Variants in ZFHX3 observed in about 807,000 individuals in gnomAD.
ZFHX3 encodes the protein zinc finger homeobox 3.
Under a neutral mutation model 279.1 loss-of-function variants are expected in ZFHX3, and 42 were observed. That is an observed-to-expected ratio of 0.15 (90% confidence interval 0.12 to 0.19). The LOEUF (loss-of-function observed/expected upper bound fraction) is 0.19. ZFHX3 is among the 10% of genes least tolerant of loss of function. The pLI, the probability that ZFHX3 is intolerant of heterozygous loss-of-function variation, is 1.00. For synonymous variants in ZFHX3, 2,293 were observed against 1,957.8 expected, an observed-to-expected ratio of 1.17 and a Z score of -4.52; for missense variants, 4,981 against 4,754.0, an observed-to-expected ratio of 1.05 and a Z score of -1.40.
At chr16:73,807,310 T>G (rs1960303903) in intron 1 of ZFHX3, among the ~76,000 whole-genome samples, 1 of 152,314 alleles carries the variant, frequency 6.6e-6, no homozygotes, top group Admixed American at 6.5e-5. Context: ...TCTCCCTCCC[T>G]TCTTCCCTCC....
intron 1 of ZFHX3, among the ~76,000 whole-genome samples, chr16:73,705,479 G>A (rs2053294093): frequency 1.3e-5 from 2 of 152,296 alleles, no homozygotes; most frequent in Middle Eastern, 3.4e-3. Context: ...AGAAGAAATG[G>A]ATAAGCCCCA....
intron 1 of ZFHX3, among the ~76,000 whole-genome samples, chr16:73,040,550 G>A (rs1430084352): frequency 6.7e-6 from 1 of 150,050 alleles, no homozygotes; most frequent in Non-Finnish European, 1.5e-5. Flanking sequence ...GAGGGGGACA[G>A]AAGGGGAGGG....
chr16:73,480,660 A>G (rs2018850086), intron 2 of ZFHX3, among the ~76,000 whole-genome samples: 1 of 152,148 alleles, frequency 6.6e-6, no homozygotes, highest in Non-Finnish European at 1.5e-5. Flanking sequence ...GTGGCCTTCT[A>G]AACGGCCACT....
chr16:73,202,206 G>A (rs752413394), intron 5 of ZFHX3, among the ~76,000 whole-genome samples: 3 of 152,122 alleles, frequency 2.0e-5, no homozygotes, highest in Non-Finnish European at 4.4e-5. Context: ...CATAAATGTG[G>A]CCAAAACCTG....
intron 2 of ZFHX3, among the ~76,000 whole-genome samples, chr16:73,672,696 C>T (rs2052915977): frequency 6.6e-6 from 1 of 151,954 alleles, no homozygotes; most frequent in Non-Finnish European, 1.5e-5. Flanking sequence ...ATAGGATCAA[C>T]ACTAAGGTTT....
At chr16:73,598,335 T>C (rs1438114543) in intron 2 of ZFHX3, among the ~76,000 whole-genome samples, 1 of 152,166 alleles carries the variant, frequency 6.6e-6, no homozygotes. Context: ...CTCTACTCCA[T>C]AAATCTCAGT....
intron 3 of ZFHX3, among the ~76,000 whole-genome samples, chr16:73,452,614 C>T (rs916084993): frequency 7.9e-5 from 12 of 152,124 alleles, no homozygotes; most frequent in African/African-American, 1.9e-4. Context: ...GAATTTCTTG[C>T]AAATGGTGAC....
rs1347303831 is a variant in ZFHX3, at chr16:73,780,492, G to C, written c.-1607-100252C>G. On this transcript the variant is annotated intron_variant, in intron 1 of 17. Coordinates refer to the ZFHX3 transcript ENST00000641206. ...GAGTCTCACTCTGCCACCCAGGCTG[G>C]AGTACAGTGGCATGATCACGGCTCA... Among the ~76,000 whole-genome samples the C allele has an allele frequency of 2.0e-5, 3 of 150,866 alleles. 1 individual carries two copies. The highest frequency in any genetic ancestry group is 2.0e-4 in the Admixed American group (3 of 15,130).
At chr16:73,638,279 G>T (rs1261527139) in intron 2 of ZFHX3, among the ~76,000 whole-genome samples, 1 of 152,156 alleles carries the variant, frequency 6.6e-6, no homozygotes, top group African/African-American at 2.4e-5. Context: ...ATTTGGGCAG[G>T]TAACTAATTT....
At chr16:73,673,570 C>A (rs2052924639) in intron 2 of ZFHX3, among the ~76,000 whole-genome samples, 1 of 139,974 alleles carries the variant, frequency 7.1e-6, no homozygotes, top group African/African-American at 2.5e-5. Flanking sequence ...CAAGATTAGG[C>A]AAGAACTATT....
At chr16:73,575,824 T>C (rs1250883375) in intron 2 of ZFHX3, among the ~76,000 whole-genome samples, 1 of 152,184 alleles carries the variant, frequency 6.6e-6, no homozygotes, top group Non-Finnish European at 1.5e-5. Flanking sequence ...CATGTGAGTC[T>C]ATCTCACTGG....
At chr16:72,934,895 G>A (rs1261566721) in intron 3 of ZFHX3, among the ~76,000 whole-genome samples, 4 of 152,148 alleles carry the variant, frequency 2.6e-5, no homozygotes, top group East Asian at 1.9e-4. Context: ...GCTAAGAGTC[G>A]CTGGATTACG....
At chr16:73,205,484 G>A (rs889032689) in intron 5 of ZFHX3, among the ~76,000 whole-genome samples, 2 of 152,168 alleles carry the variant, frequency 1.3e-5, no homozygotes, top group East Asian at 1.9e-4. Flanking sequence ...AAAATAGGAA[G>A]CGAGCAATTG....
In ZFHX3 at chr16:73,354,522, C is replaced by T. The variant is rs77680098; in HGVS notation, c.-1290-36186G>A. Among the ~76,000 whole-genome samples the T allele has an allele frequency of 2.4e-4, 36 of 152,310 alleles. 1 individual carries two copies. Among genetic ancestry groups the T allele is most frequent in the Admixed American group, 7.2e-4 (11 of 15,308 alleles). ...CTCATTTCACGAGGTCTCCCTTCCA[C>T]GCCCTGTTACCTGCAGGTAACATGC... On this transcript the variant is annotated intron_variant, in intron 3 of 17. Coordinates refer to the ZFHX3 transcript ENST00000641206.
At chr16:73,349,333 T>C (rs982734901) in intron 3 of ZFHX3, among the ~76,000 whole-genome samples, 1 of 152,168 alleles carries the variant, frequency 6.6e-6, no homozygotes, top group Non-Finnish European at 1.5e-5. Context: ...TGGAGATTGA[T>C]CACCTGATCA....
intron 1 of ZFHX3, among the ~76,000 whole-genome samples, chr16:73,720,562 C>T (rs745645354): frequency 2.0e-5 from 3 of 151,924 alleles, no homozygotes; most frequent in Non-Finnish European, 4.4e-5. Flanking sequence ...TTGAGTTAAA[C>T]GAAACAAATT....
chr16:73,213,912 C>G (rs111964098), intron 5 of ZFHX3, among the ~76,000 whole-genome samples: 2 of 152,124 alleles, frequency 1.3e-5, no homozygotes, highest in African/African-American at 4.8e-5. Context: ...GGTCTTTGTT[C>G]CCCGCTCCAA....
At chr16:72,854,609 A>AG (rs1267269860) in intron 4 of ZFHX3, among the ~76,000 whole-genome samples, 1 of 152,120 alleles carries the variant, frequency 6.6e-6, no homozygotes, top group Non-Finnish European at 1.5e-5. Context: ...CCAAACAATA[A>AG]GGGGGGAGGG....
At chr16:73,787,098 T>C (rs1959672106) in intron 1 of ZFHX3, among the ~76,000 whole-genome samples, 1 of 152,194 alleles carries the variant, frequency 6.6e-6, no homozygotes, top group Non-Finnish European at 1.5e-5. Context: ...ACTTTAACTG[T>C]CATTTTAGTA....
Sources: gnomAD v4.1 joint callset for allele counts (sites outside exome capture counted in the v4.1 genomes callset) on GRCh38, gnomAD v4.1.1 for gene constraint, MANE v1.5 for transcripts, NCBI Gene and HGNC (gene_info 2026-07-23, HGNC 2026-07-21) for gene names.